The following TNFRSF21 variants were observed in gnomAD, a reference collection of about 807,000 sequenced individuals.
TNFRSF21 encodes the protein TNF receptor superfamily member 21, also known as tumor necrosis factor receptor superfamily member 21.
Under a neutral mutation model 45.6 loss-of-function variants are expected in TNFRSF21, and 19 were observed. That is an observed-to-expected ratio of 0.42 (90% CI 0.29 to 0.61). The LOEUF is 0.61. Ranked by LOEUF, TNFRSF21 falls within the 20% of genes least tolerant of loss-of-function variation. The probability of loss-of-function intolerance (pLI) is 0.23; values close to 1 mark genes in which losing one functional copy is unlikely to be tolerated. For synonymous variants in TNFRSF21, 314 were observed against 335.5 expected, an observed-to-expected ratio of 0.94 and a Z score of 0.70; for missense variants, 737 against 851.5, an observed-to-expected ratio of 0.87 and a Z score of 1.67.
In TNFRSF21 at chr6:47,300,507, G is replaced by T. The variant is rs147987373; in HGVS notation, c.96+8909C>A. ...ATCCATTCTCCACAGAGCTGCCAGT[G>T]AGTTTTTATTTTTTTTAATTGCATT... On this transcript the variant is annotated intron_variant, in intron 1 of 5. Coordinates refer to ENST00000296861, the MANE Select transcript of TNFRSF21 (RefSeq NM_014452.5). Among the ~76,000 whole-genome samples, 27 of 152,218 alleles carry T rather than the reference G, an allele frequency of 1.8e-4. No homozygotes were observed. In the East Asian group the frequency reaches 5.2e-3, roughly 29 times the overall value.
chr6:47,255,517 AATGGTGCC>A (rs1215593564), intron 3 of TNFRSF21, among the ~76,000 whole-genome samples: 2 of 151,762 alleles, frequency 1.3e-5, no homozygotes, highest in African/African-American at 4.9e-5. Context: ...GCTGGAGTGC[AATGGTGCC>A]ATCTCGGCTC....
intron 1 of TNFRSF21, among the ~76,000 whole-genome samples, chr6:47,303,010 AGTG>A (rs1400593275): frequency 6.6e-6 from 1 of 152,246 alleles, no homozygotes; most frequent in East Asian, 1.9e-4. Flanking sequence ...AATAAGAGGC[AGTG>A]ATAGCAATAT....
chr6:47,247,158 T>C (rs540435757), intron 4 of TNFRSF21, among the ~76,000 whole-genome samples: 51 of 152,354 alleles, frequency 3.3e-4, no homozygotes, highest in Admixed American at 1.2e-3. Context: ...AGCCTATTTA[T>C]AAACATTGCT....
intron 4 of TNFRSF21, among the ~76,000 whole-genome samples, chr6:47,247,159 A>G (rs1764835817): frequency 6.6e-6 from 1 of 152,238 alleles, no homozygotes; most frequent in African/African-American, 2.4e-5. Flanking sequence ...GCCTATTTAT[A>G]AACATTGCTC....
chr6:47,253,867 G>A (rs1257216079), intron 3 of TNFRSF21, among the ~76,000 whole-genome samples: 1 of 152,224 alleles, frequency 6.6e-6, no homozygotes, highest in Non-Finnish European at 1.5e-5. Flanking sequence ...AAGGAGAGGG[G>A]TGGATAAGTT....
At chr6:47,284,453 G>A (rs138204090) in intron 2 of TNFRSF21, 21 bp from the exon 3 acceptor site, 10 of 1,505,496 alleles carry the variant, frequency 6.6e-6, no homozygotes, top group African/African-American at 2.8e-5. Flanking sequence ...GAGTAAGGAG[G>A]GGGGAAGAGC....
chr6:47,235,136 T>A (rs1016529384), intron 4 of TNFRSF21, among the ~76,000 whole-genome samples: 3 of 152,098 alleles, frequency 2.0e-5, no homozygotes, highest in African/African-American at 7.2e-5. Context: ...TGAACCAAGC[T>A]ATTATCTCAG....
At chr6:47,287,463 T>C (rs1762668274) in intron 1 of TNFRSF21, among the ~76,000 whole-genome samples, 1 of 151,886 alleles carries the variant, frequency 6.6e-6, no homozygotes, top group South Asian at 2.1e-4. Context: ...TGCCCTGTTC[T>C]TGTCTTTAGA....
At chr6:47,244,168 A>C (rs2113846094) in intron 4 of TNFRSF21, among the ~76,000 whole-genome samples, 2 of 152,000 alleles carry the variant, frequency 1.3e-5, no homozygotes, top group South Asian at 4.2e-4. Context: ...AAAAAATACA[A>C]AAAAAATTAG....
At chr6:47,308,017 C>T (rs574800379) in intron 1 of TNFRSF21, among the ~76,000 whole-genome samples, 2 of 152,330 alleles carry the variant, frequency 1.3e-5, no homozygotes, top group South Asian at 4.1e-4. Context: ...TTCATTGTCC[C>T]AAGAGACTCC....
At chr6:47,290,257 A>G (rs1187634909) in intron 1 of TNFRSF21, among the ~76,000 whole-genome samples, 1 of 152,148 alleles carries the variant, frequency 6.6e-6, no homozygotes, top group Non-Finnish European at 1.5e-5. Flanking sequence ...TCGGCGATGA[A>G]TATCACTCTG....
At position 47,238,518 on chromosome 6, in the gene TNFRSF21, C is replaced by T. The variant is rs1044597642; in HGVS notation, c.1510-3620G>A. Among the ~76,000 whole-genome samples the T allele has an allele frequency of 3.3e-5, 5 of 152,334 alleles. No homozygotes were observed. The East Asian group carries it at 9.6e-4, about 29-fold the overall frequency. Reference sequence around the variant, plus strand: ...CAAAGCAGCCCAAAAGAGAACAATTCTATTTTGTGAACTTCAAGAGCATGG... The same window carrying T: ...CAAAGCAGCCCAAAAGAGAACAATTTTATTTTGTGAACTTCAAGAGCATGG... On this transcript the variant is annotated intron_variant, in intron 4 of 5. Coordinates refer to ENST00000296861, the MANE Select transcript of TNFRSF21 (RefSeq NM_014452.5).
chr6:47,263,159 G>A (rs555829009), intron 3 of TNFRSF21, among the ~76,000 whole-genome samples: 2 of 152,254 alleles, frequency 1.3e-5, no homozygotes, highest in Non-Finnish European at 2.9e-5. Flanking sequence ...AATAAGGGGT[G>A]AGAATGTAAT....
At chr6:47,265,608 C>A (rs1166275511) in intron 3 of TNFRSF21, among the ~76,000 whole-genome samples, 1 of 152,086 alleles carries the variant, frequency 6.6e-6, no homozygotes, top group Non-Finnish European at 1.5e-5. Context: ...ATAATAGTGG[C>A]CTTCTGTATA....
intron 2 of TNFRSF21, among the ~76,000 whole-genome samples, chr6:47,285,659 C>T (rs963913013): frequency 6.6e-6 from 1 of 152,190 alleles, no homozygotes; most frequent in South Asian, 2.1e-4. Flanking sequence ...AAGTAACTTA[C>T]ATAAGGTCAC....
intron 1 of TNFRSF21, among the ~76,000 whole-genome samples, chr6:47,297,431 A>G (rs1762803091): frequency 6.6e-6 from 1 of 151,188 alleles, no homozygotes; most frequent in Non-Finnish European, 1.5e-5. Context: ...ACAATGTACT[A>G]TATTTTAACA....
intron 2 of TNFRSF21, among the ~76,000 whole-genome samples, chr6:47,285,313 C>T (rs755103836): frequency 2.0e-5 from 3 of 152,100 alleles, no homozygotes; most frequent in Non-Finnish European, 4.4e-5. Flanking sequence ...TGATGGAAAA[C>T]TTGAATAATT....
chr6:47,237,709 T>C (rs1055775993), intron 4 of TNFRSF21, among the ~76,000 whole-genome samples: 2 of 152,174 alleles, frequency 1.3e-5, no homozygotes, highest in Non-Finnish European at 2.9e-5. Flanking sequence ...CTGGGCACGG[T>C]GACTCACACC....
At chr6:47,255,126 C>T (rs1305096721) in intron 3 of TNFRSF21, among the ~76,000 whole-genome samples, 1 of 152,328 alleles carries the variant, frequency 6.6e-6, no homozygotes, top group East Asian at 1.9e-4. Flanking sequence ...CATCCTGGCT[C>T]AGCAGTCACT....
Sources: gnomAD v4.1 joint callset for allele counts (sites outside exome capture counted in the v4.1 genomes callset) on GRCh38, gnomAD v4.1.1 for gene constraint, MANE v1.5 for transcripts, NCBI Gene and HGNC (gene_info 2026-07-23, HGNC 2026-07-21) for gene names.